CCND3: variants seen among roughly 807,000 people sequenced by gnomAD.
The protein encoded by CCND3 is G1/S-specific cyclin-D3.
Under a neutral mutation model 28.7 loss-of-function variants are expected in CCND3, and 9 were observed. The observed-to-expected ratio is 0.31, with a 90% CI of 0.19 to 0.55. The LOEUF (loss-of-function observed/expected upper bound fraction) is 0.55. Ranked by LOEUF, CCND3 falls within the 20% of genes least tolerant of loss-of-function variation. The pLI, the probability that CCND3 is intolerant of heterozygous loss-of-function variation, is 0.93. For synonymous variants in CCND3, 164 were observed against 163.9 expected, an observed-to-expected ratio of 1.00 and a Z score of 0.00; for missense variants, 315 against 385.8, an observed-to-expected ratio of 0.82 and a Z score of 1.54.
chr6:42,046,120 A>G (rs1393605773), intron 1 of CCND3, among the ~76,000 whole-genome samples: 1 of 152,212 alleles, frequency 6.6e-6, no homozygotes, highest in East Asian at 1.9e-4. Flanking sequence ...TCAAAGACAG[A>G]TGCACGAAGT....
chr6:41,987,606 G>A (rs973190737), intron 1 of CCND3, among the ~76,000 whole-genome samples: 4 of 150,266 alleles, frequency 2.7e-5, no homozygotes, highest in Admixed American at 6.7e-5. Flanking sequence ...TGGCTCAAGT[G>A]ATCCTCCAGC....
intron 1 of CCND3, among the ~76,000 whole-genome samples, chr6:41,988,765 G>C (rs1047431685): frequency 6.1e-5 from 9 of 148,760 alleles, no homozygotes; most frequent in Admixed American, 1.4e-4. Context: ...GTGGCGCGAT[G>C]TCGGCTCACT....
intron 1 of CCND3, among the ~76,000 whole-genome samples, chr6:41,979,369 TA>T (rs1452324528): frequency 6.6e-6 from 1 of 150,760 alleles, no homozygotes; most frequent in East Asian, 2.0e-4. Context: ...CCGTCTCTAT[TA>T]AAAAATACAA....
upstream of CCND3, among the ~76,000 whole-genome samples, chr6:41,944,587 A>G (rs1392393637): frequency 6.6e-6 from 1 of 151,844 alleles, no homozygotes; most frequent in Non-Finnish European, 1.5e-5. Context: ...ATGCCCGGCT[A>G]ATTTTTGTAT....
intron 1 of CCND3, among the ~76,000 whole-genome samples, chr6:42,039,037 C>T (rs957343833): frequency 6.6e-6 from 1 of 152,210 alleles, no homozygotes; most frequent in Non-Finnish European, 1.5e-5. Flanking sequence ...GAGACACCAA[C>T]CAACCACAGA....
At chr6:42,020,952 A>T (rs1339801340) in intron 1 of CCND3, among the ~76,000 whole-genome samples, 5 of 152,162 alleles carry the variant, frequency 3.3e-5, no homozygotes, top group Admixed American at 2.6e-4. Context: ...GGGTTTCTCC[A>T]TGTTGGCCAG....
At chr6:41,966,696 T>C (rs751113142) in intron 1 of CCND3, among the ~76,000 whole-genome samples, 11 of 152,180 alleles carry the variant, frequency 7.2e-5, no homozygotes, top group Non-Finnish European at 1.5e-4. Context: ...ATTCTGAGGG[T>C]CAGCTCCCTT....
At chr6:41,999,170 A>G (rs1762911082) in intron 1 of CCND3, among the ~76,000 whole-genome samples, 1 of 152,132 alleles carries the variant, frequency 6.6e-6, no homozygotes, top group African/African-American at 2.4e-5. Flanking sequence ...TGGCTGAGAT[A>G]GCGCCATTGC....
At chr6:41,965,397 A>G (rs1761862082) in intron 1 of CCND3, among the ~76,000 whole-genome samples, 1 of 152,078 alleles carries the variant, frequency 6.6e-6, no homozygotes, top group South Asian at 2.1e-4. Flanking sequence ...ACCCATAGCC[A>G]GTAAGACGCC....
chr6:41,984,513 A>G (rs998812396), intron 1 of CCND3, among the ~76,000 whole-genome samples: 1 of 152,056 alleles, frequency 6.6e-6, no homozygotes, highest in East Asian at 1.9e-4. Flanking sequence ...CACCCGGCTA[A>G]TTTTTTGTAT....
At chr6:42,044,982 T>A (rs1400381797) in intron 1 of CCND3, among the ~76,000 whole-genome samples, 10 of 149,606 alleles carry the variant, frequency 6.7e-5, no homozygotes, top group Non-Finnish European at 3.0e-5. Context: ...TTTTTTGTAT[T>A]TTTAGTAGAG....
chr6:42,021,086 G>A (rs138363550), intron 1 of CCND3, among the ~76,000 whole-genome samples: 26 of 152,230 alleles, frequency 1.7e-4, no homozygotes, highest in African/African-American at 5.5e-4. Context: ...GTTACCCATC[G>A]TGCAGTACAA....
Position 42,005,160 on chromosome 6 carries a change from A to T in CCND3, c.-46+43341T>A, listed in dbSNP as rs1582153641. On this transcript the variant is annotated intron_variant, in intron 1 of 4. Coordinates refer to the CCND3 transcript ENST00000372988. ...ATGCTGACACCTTGCTCAAAATATA[A>T]GCAAACCAAACCCAGCAGTGTATTA... is the stretch of plus-strand genomic sequence containing the variant. 2.0e-4 allele frequency among the ~76,000 whole-genome samples: 30 copies of T among 152,342 alleles called. No homozygotes were observed. The East Asian group carries it at 5.4e-3, about 27-fold the overall frequency.
intron 2 of CCND3, among the ~76,000 whole-genome samples, chr6:41,940,102 T>C (rs1775943019): frequency 6.6e-6 from 1 of 152,120 alleles, no homozygotes; most frequent in Non-Finnish European, 1.5e-5. Flanking sequence ...TGTTGCTATC[T>C]GGGGGAAAGA....
chr6:41,949,327 G>A (rs1479949687), intron 1 of CCND3, among the ~76,000 whole-genome samples: 3 of 152,086 alleles, frequency 2.0e-5, no homozygotes. Flanking sequence ...CAACATAGTG[G>A]AACCCCATCT....
At position 41,936,766 on chromosome 6, in the gene CCND3, T is replaced by C; in HGVS notation, c.575-71A>G. ...ATAACGGCCAGCATGGACTTCCGACTCCTTGGAAAGTGCCAGGCAGCATGA... is the reference window on the plus strand; with the variant it reads ...ATAACGGCCAGCATGGACTTCCGACCCCTTGGAAAGTGCCAGGCAGCATGA... On this transcript the variant is annotated intron_variant, in intron 3 of 4. Coordinates refer to ENST00000372991, the MANE Select transcript of CCND3 (RefSeq NM_001760.5). This position sits in a 1 kb window ranked among gnomAD's most constrained non-coding sequence, Gnocchi z 4.4. 3 of 1,537,354 alleles carry C rather than the reference T, an allele frequency of 2.0e-6. No homozygotes were observed. The South Asian group carries it at 3.6e-5, about 19-fold the overall frequency.
At position 41,988,923 on chromosome 6, in the gene CCND3, T is replaced by A. The variant is rs539574182; in HGVS notation, c.-45-48338A>T. 5.5e-4 allele frequency among the ~76,000 whole-genome samples: 83 copies of A among 149,616 alleles called. 1 individual carries two copies. The highest frequency in any genetic ancestry group is 8.7e-4 in the Admixed American group (13 of 14,922). Reference sequence around the variant, plus strand: ...ACTGTGTTAGCCAGGATGGTCTCGATCTCCTGACCTCATGATCCGCCCGCC... The same window carrying A: ...ACTGTGTTAGCCAGGATGGTCTCGAACTCCTGACCTCATGATCCGCCCGCC... On this transcript the variant is annotated intron_variant, in intron 1 of 4. Transcript: ENST00000372988.
intron 1 of CCND3, among the ~76,000 whole-genome samples, chr6:42,041,697 C>T (rs896014949): frequency 1.3e-5 from 2 of 152,162 alleles, no homozygotes; most frequent in African/African-American, 4.8e-5. Flanking sequence ...TAGAATAAAC[C>T]TCCCCTGGGC....
In CCND3 at chr6:41,936,117, T is replaced by G. The variant is rs1487633857; in HGVS notation, c.712-10A>C. On this transcript the variant is annotated splice_polypyrimidine_tract_variant and intron_variant, in intron 4 of 4. Coordinates refer to ENST00000372991, the MANE Select transcript of CCND3 (RefSeq NM_001760.5). This position sits in a 1 kb window ranked among gnomAD's most constrained non-coding sequence, Gnocchi z 4.4. The stretch of plus-strand genomic sequence containing the variant: ...AGGCCCGCAGGCAGTCCTGGGAACA[T>G]GGGAGAAGAGTGAGGAGCAAACACT... The G allele has an allele frequency of 6.4e-7, 1 of 1,569,924 alleles. No individual in the cohort carries two copies. Among genetic ancestry groups the G allele is most frequent in the Non-Finnish European group, 8.6e-7 (1 of 1,157,094 alleles).
Sources: gnomAD v4.1 joint callset for allele counts (sites outside exome capture counted in the v4.1 genomes callset) on GRCh38, gnomAD v4.1.1 for gene constraint, Gnocchi (gnomAD v3.1) non-coding constraint, MANE v1.5 for transcripts, NCBI Gene and HGNC (gene_info 2026-07-23, HGNC 2026-07-21) for gene names.